The following ERICH3 variants were observed in gnomAD, a reference collection of about 807,000 sequenced individuals.
The protein encoded by ERICH3 is glutamate rich 3.
Under a neutral mutation model 131.1 loss-of-function variants are expected in ERICH3, and 126 were observed. The ratio of observed to expected loss-of-function variants is 0.96; its 90% CI spans 0.83 to 1.11. The LOEUF (loss-of-function observed/expected upper bound fraction) is 1.11, where lower values mean the gene tolerates loss of function less well. ERICH3 is among the 50% of genes most tolerant of loss of function. ERICH3 has a pLI of 0.00. For missense variants in ERICH3, 2,050 were observed against 1,810.7 expected (o/e 1.13, Z -2.40); for synonymous variants, 695 against 644.6 (o/e 1.08, Z -1.18).
intron 1 of ERICH3, among the ~76,000 whole-genome samples, chr1:74,659,244 G>A (rs1199550550): frequency 6.6e-6 from 1 of 152,152 alleles, no homozygotes; most frequent in East Asian, 1.9e-4. Flanking sequence ...GGATAAGAGA[G>A]TACCATGGTG....
At chr1:74,671,959 G>A (rs1313675774) in intron 1 of ERICH3, among the ~76,000 whole-genome samples, 1 of 152,168 alleles carries the variant, frequency 6.6e-6, no homozygotes, top group Non-Finnish European at 1.5e-5. Context: ...CTTTCCTGAA[G>A]AGTACCATGA....
intron 10 of ERICH3, among the ~76,000 whole-genome samples, chr1:74,606,329 T>C (rs570211491): frequency 6.6e-6 from 1 of 152,028 alleles, no homozygotes; most frequent in East Asian, 1.9e-4. Context: ...CAGAAGTCAA[T>C]AGAGTCTCTA....
intron 12 of ERICH3, chr1:74,577,496 TA>T (rs1437800065): frequency 6.6e-6 from 1 of 152,242 alleles, no homozygotes; most frequent in Non-Finnish European, 1.5e-5. Context: ...GGAGGTCACA[TA>T]AAATATCAAA....
At chr1:74,634,750 A>G in intron 6 of ERICH3, 1 of 685,188 alleles carries the variant, frequency 1.5e-6, no homozygotes, top group African/African-American at 1.8e-5. Context: ...TTCTAGTCCT[A>G]ATGGCAAAGT....
At chr1:74,634,092 GT>G (rs1340680734) in intron 6 of ERICH3, among the ~76,000 whole-genome samples, 1 of 151,956 alleles carries the variant, frequency 6.6e-6, no homozygotes, top group African/African-American at 2.4e-5. Flanking sequence ...AGCAATAAGA[GT>G]TTTTTGAGTG....
At chr1:74,632,976 GGTA>G (rs1367783573) in intron 6 of ERICH3, among the ~76,000 whole-genome samples, 1 of 151,736 alleles carries the variant, frequency 6.6e-6, no homozygotes, top group Non-Finnish European at 1.5e-5. Context: ...GGGTATCTGA[GGTA>G]GTTTCCCAAA....
Position 74,636,395 on chromosome 1 carries a change from G to T in ERICH3, c.488C>A (p.Pro163Gln), listed in dbSNP as rs1347209287. 6.2e-7 allele frequency: 1 copy of T among 1,612,916 alleles called. No homozygotes were observed. Among genetic ancestry groups the T allele is most frequent in the South Asian group, 1.1e-5 (1 of 90,956 alleles). Residue 163 changes from proline (P) to glutamine (Q), a missense_variant, in exon 6 of 15, where the codon CCA becomes CAA. Physicochemically the swap from Pro to Gln is moderately conservative, Grantham distance 76 (BLOSUM62 -1). Coordinates refer to ENST00000326665, the MANE Select transcript of ERICH3 (RefSeq NM_001002912.5). The part of the protein sequence containing the change: ...PYTAPGNMQP[P>Q]IRLQPLPSNP... ...ACTGGGAAGAGGCTGTAATCGAATTGGAGGCTGCATATTTCCTGGAGCAGT... is the reference window on the plus strand; with the variant it reads ...ACTGGGAAGAGGCTGTAATCGAATTTGAGGCTGCATATTTCCTGGAGCAGT...
chr1:74,591,034 T>C (rs1647573523), intron 11 of ERICH3, among the ~76,000 whole-genome samples: 1 of 152,200 alleles, frequency 6.6e-6, no homozygotes. Flanking sequence ...TAAATTTTTG[T>C]CTACTGTACT....
intron 11 of ERICH3, among the ~76,000 whole-genome samples, chr1:74,598,827 C>A (rs369998004): frequency 1.3e-5 from 2 of 151,634 alleles, no homozygotes; most frequent in African/African-American, 2.4e-5. Context: ...ATTATATGAC[C>A]CTTTCAGAAA....
intron 8 of ERICH3, among the ~76,000 whole-genome samples, chr1:74,619,080 C>T (rs1016192019): frequency 6.6e-6 from 1 of 152,142 alleles, no homozygotes; most frequent in South Asian, 2.1e-4. Context: ...ATTATTGCAT[C>T]GACAGGATTC....
intron 2 of ERICH3, among the ~76,000 whole-genome samples, chr1:74,648,069 G>T (rs768371578): frequency 2.0e-4 from 31 of 152,090 alleles, no homozygotes; most frequent in African/African-American, 6.5e-4. Flanking sequence ...TCTCACATTC[G>T]CATTTTCTGT....
chr1:74,605,669 C>T (rs1335780700), intron 10 of ERICH3, among the ~76,000 whole-genome samples: 5 of 151,634 alleles, frequency 3.3e-5, no homozygotes, highest in African/African-American at 1.2e-4. Flanking sequence ...GTCAGTGGAG[C>T]AGTCAGAAAA....
At chr1:74,642,224 C>T (rs557752740) in intron 4 of ERICH3, among the ~76,000 whole-genome samples, 3 of 152,258 alleles carry the variant, frequency 2.0e-5, no homozygotes, top group South Asian at 4.1e-4. Flanking sequence ...ATTATCTTCT[C>T]ACCCTGATAA....
At chr1:74,636,496 C>T in intron 5 of ERICH3, 58 bp from the exon 6 acceptor site, 1 of 1,491,392 alleles carries the variant, frequency 6.7e-7, no homozygotes, top group African/African-American at 1.4e-5. Context: ...GTTTCCAGAA[C>T]CAATTAATAA....
chr1:74,595,955 C>G (rs1647826236), intron 11 of ERICH3, among the ~76,000 whole-genome samples: 1 of 152,014 alleles, frequency 6.6e-6, no homozygotes, highest in South Asian at 2.1e-4. Context: ...GAAGCAGATA[C>G]ATTACACTGA....
At chr1:74,621,671 C>T (rs1649226586) in intron 7 of ERICH3, 1 of 152,140 alleles carries the variant, frequency 6.6e-6, no homozygotes, top group South Asian at 2.1e-4. Flanking sequence ...ATAAAATATG[C>T]AGTAAATGTG....
At chr1:74,614,918 G>A (rs1648890812) in intron 8 of ERICH3, among the ~76,000 whole-genome samples, 3 of 152,110 alleles carry the variant, frequency 2.0e-5, no homozygotes, top group Admixed American at 6.5e-5. Context: ...TGTTATAGAA[G>A]CTTGAGTCTA....
At chr1:74,636,985 G>A (rs1273587818) in intron 5 of ERICH3, among the ~76,000 whole-genome samples, 1 of 152,020 alleles carries the variant, frequency 6.6e-6, no homozygotes, top group Non-Finnish European at 1.5e-5. Flanking sequence ...TGAAATACTA[G>A]GAAAACAAAA....
At chr1:74,573,568 C>T (rs1646999619) in intron 13 of ERICH3, 77 bp from the exon 14 acceptor site, 1 of 1,378,482 alleles carries the variant, frequency 7.3e-7, no homozygotes, top group Non-Finnish European at 9.4e-7. Context: ...TCTTATATCA[C>T]ACTTATTTAC....
Sources: allele counts gnomAD v4.1 joint callset (sites outside exome capture counted in the v4.1 genomes callset), GRCh38; gene constraint gnomAD v4.1.1; transcripts MANE v1.5; gene names NCBI Gene and HGNC (gene_info 2026-07-23, HGNC 2026-07-21).